The following CHRM2 variants were observed in gnomAD, a reference collection of about 807,000 sequenced individuals.
CHRM2 encodes muscarinic acetylcholine receptor M2.
Under a neutral mutation model 25.0 loss-of-function variants are expected in CHRM2, and 8 were observed. That is an observed-to-expected ratio of 0.32 (90% confidence interval 0.19 to 0.58). The LOEUF (loss-of-function observed/expected upper bound fraction) is 0.58, where lower values mean the gene tolerates loss of function less well. Among genes scored for constraint, CHRM2 ranks in the 20% least tolerant of loss-of-function variants. The probability of loss-of-function intolerance (pLI) is 0.88; values close to 1 mark genes in which losing one functional copy is unlikely to be tolerated. For synonymous variants in CHRM2, 202 were observed against 205.7 expected, an observed-to-expected ratio of 0.98 and a Z score of 0.15; for missense variants, 440 against 567.1, an observed-to-expected ratio of 0.78 and a Z score of 2.28.
chr7:136,880,067 C>G (rs1264945160), intron 2 of CHRM2, among the ~76,000 whole-genome samples: 5 of 150,822 alleles, frequency 3.3e-5, no homozygotes, highest in African/African-American at 1.2e-4. Context: ...TTTCCACTTC[C>G]ATTCCTCAGC....
chr7:136,877,007 T>C (rs1464113376), intron 2 of CHRM2, among the ~76,000 whole-genome samples: 1 of 152,066 alleles, frequency 6.6e-6, no homozygotes, highest in Admixed American at 6.6e-5. Flanking sequence ...GACAGGAATC[T>C]AGATTTTTAA....
At chr7:136,898,293 T>C (rs1797012763) in intron 2 of CHRM2, among the ~76,000 whole-genome samples, 1 of 152,112 alleles carries the variant, frequency 6.6e-6, no homozygotes, top group Non-Finnish European at 1.5e-5. Flanking sequence ...AATCTTATTG[T>C]AGGGTTAAAT....
chr7:136,962,767 T>G lies in CHRM2; in HGVS notation c.-124-29420T>G, dbSNP rs564128096. Among the ~76,000 whole-genome samples the G allele has an allele frequency of 4.6e-5, 7 of 152,076 alleles. No homozygotes were observed. In the South Asian group the frequency reaches 1.0e-3, roughly 23 times the overall value. On this transcript the variant is annotated intron_variant, in intron 2 of 3. Coordinates refer to ENST00000680005, the MANE Select transcript of CHRM2 (RefSeq NM_001006630.2). ...TCCTTGTTAAAAGAGCCAGAAAAGG[T>G]CTAATATGCAAAGTACCCTCTGTAC... is the stretch of plus-strand genomic sequence containing the variant.
chr7:136,975,223 T>C (rs1802034605), intron 2 of CHRM2, among the ~76,000 whole-genome samples: 1 of 152,180 alleles, frequency 6.6e-6, no homozygotes. Flanking sequence ...ACAGCAATTT[T>C]CCCAAGTGTC....
intron 2 of CHRM2, among the ~76,000 whole-genome samples, chr7:136,971,981 C>T (rs117941864): frequency 5.3e-5 from 8 of 152,304 alleles, no homozygotes; most frequent in Non-Finnish European, 1.2e-4. Context: ...TATTTGAAAA[C>T]TACTGCTTTG....
chr7:136,870,649 T>A (rs1584674058), intron 2 of CHRM2: 1 of 152,388 alleles, frequency 6.6e-6, no homozygotes, highest in Non-Finnish European at 1.5e-5. Flanking sequence ...AGCAGGGAGG[T>A]TCGCCAGGGG....
Position 136,949,459 on chromosome 7 carries a change from T to TAAAAAAAAAAAAAAAAAAA in CHRM2, c.-124-42727_-124-42709dup, listed in dbSNP as rs386411435. Among the ~76,000 whole-genome samples the TAAAAAAAAAAAAAAAAAAA allele has an allele frequency of 3.3e-3, 398 of 120,704 alleles. 6 individuals are homozygous for TAAAAAAAAAAAAAAAAAAA. Among genetic ancestry groups the TAAAAAAAAAAAAAAAAAAA allele is most frequent in the African/African-American group, 0.013 (385 of 30,188 alleles). The allele number at this position is 120,704 out of a possible 152,430, so 79.2% of individuals were successfully genotyped here. A position where few individuals can be genotyped will look rare whatever the true frequency, so the allele number is the denominator to read the frequency against. ...TAACAAGACCCTGTCTCTGCAAAACTAAAAAAAAAAAAAAAAAAATCAGCC... is the reference window on the plus strand; with the variant it reads ...TAACAAGACCCTGTCTCTGCAAAACTAAAAAAAAAAAAAAAAAAAAAAAAAAAAAAAAAAAAAATCAGCC... On this transcript the variant is annotated intron_variant, in intron 2 of 3. Coordinates refer to ENST00000680005, the MANE Select transcript of CHRM2 (RefSeq NM_001006630.2).
chr7:136,901,634 T>C (rs1281729795), intron 2 of CHRM2, among the ~76,000 whole-genome samples: 1 of 151,968 alleles, frequency 6.6e-6, no homozygotes, highest in African/African-American at 2.4e-5. Context: ...ATTTCCATTG[T>C]TATTTTTTGA....
chr7:136,960,412 G>A (rs1800999289), intron 2 of CHRM2, among the ~76,000 whole-genome samples: 1 of 152,156 alleles, frequency 6.6e-6, no homozygotes, highest in South Asian at 2.1e-4. Flanking sequence ...TAGACACTGG[G>A]GAAGGAGAGA....
chr7:136,994,055 G>A (rs1268500591), intron 3 of CHRM2, among the ~76,000 whole-genome samples: 1 of 152,160 alleles, frequency 6.6e-6, no homozygotes, highest in East Asian at 1.9e-4. Flanking sequence ...AATACTAACT[G>A]TGAAAGGTGA....
At chr7:136,897,151 A>C (rs529521540) in intron 2 of CHRM2, among the ~76,000 whole-genome samples, 20 of 151,032 alleles carry the variant, frequency 1.3e-4, no homozygotes, top group African/African-American at 4.9e-4. Flanking sequence ...AAAAAAGAAG[A>C]CATAGAGAGA....
At chr7:136,946,487 C>T (rs1310167747) in intron 2 of CHRM2, among the ~76,000 whole-genome samples, 1 of 152,050 alleles carries the variant, frequency 6.6e-6, no homozygotes, top group Non-Finnish European at 1.5e-5. Context: ...ATTTTATTTC[C>T]AGCATATGTT....
intron 2 of CHRM2, among the ~76,000 whole-genome samples, chr7:136,887,682 A>G (rs1160305485): frequency 6.6e-6 from 1 of 152,226 alleles, no homozygotes; most frequent in East Asian, 1.9e-4. Context: ...ACCATGCCTC[A>G]GAAGAATTAT....
intron 2 of CHRM2, among the ~76,000 whole-genome samples, chr7:136,986,311 TC>T (rs1563108963): frequency 6.6e-6 from 1 of 152,158 alleles, no homozygotes; most frequent in African/African-American, 2.4e-5. Flanking sequence ...TACACAATTT[TC>T]CCCTCAAAGA....
chr7:136,903,916 A>T (rs1797381477), intron 2 of CHRM2, among the ~76,000 whole-genome samples: 1 of 151,798 alleles, frequency 6.6e-6, no homozygotes, highest in East Asian at 1.9e-4. Context: ...TATCATATAT[A>T]TATATTTTCT....
At chr7:137,007,679 A>G (rs926931288) in intron 3 of CHRM2, among the ~76,000 whole-genome samples, 1 of 152,124 alleles carries the variant, frequency 6.6e-6, no homozygotes, top group Non-Finnish European at 1.5e-5. Flanking sequence ...GCAGGGCTGG[A>G]CTGTCTCCTG....
At chr7:136,886,916 C>T (rs1202896729) in intron 2 of CHRM2, among the ~76,000 whole-genome samples, 5 of 152,154 alleles carry the variant, frequency 3.3e-5, no homozygotes, top group Non-Finnish European at 5.9e-5. Context: ...CATCATGCCT[C>T]AAACATACCT....
At chr7:136,941,662 T>G (rs1483268455) in intron 2 of CHRM2, among the ~76,000 whole-genome samples, 6 of 152,230 alleles carry the variant, frequency 3.9e-5, no homozygotes, top group African/African-American at 1.4e-4. Context: ...AACACATATA[T>G]GTAACTACAG....
intron 2 of CHRM2, among the ~76,000 whole-genome samples, chr7:136,900,495 G>GGTT (rs1193437388): frequency 6.6e-6 from 1 of 151,988 alleles, no homozygotes; most frequent in African/African-American, 2.4e-5. Flanking sequence ...ACTTCAGTTT[G>GGTT]GTTCTCCCAG....
Sources: gnomAD v4.1 joint callset for allele counts (sites outside exome capture counted in the v4.1 genomes callset) on GRCh38, gnomAD v4.1.1 for gene constraint, MANE v1.5 for transcripts, NCBI Gene and HGNC (gene_info 2026-07-23, HGNC 2026-07-21) for gene names.